BICC1: variants seen among roughly 807,000 people sequenced by gnomAD.
BICC1 encodes protein bicaudal C homolog 1.
In BICC1, 43 loss-of-function variants were observed where a neutral mutation model predicts 111.0. The ratio of observed to expected loss-of-function variants is 0.39; its 90% CI spans 0.30 to 0.50. The LOEUF is 0.50. Ranked by LOEUF, BICC1 falls within the 20% of genes least tolerant of loss-of-function variation. The pLI is 0.88. For missense variants in BICC1, 1,091 were observed against 1,203.2 expected, an observed-to-expected ratio of 0.91 and a Z score of 1.38; for synonymous variants, 467 against 434.4, an observed-to-expected ratio of 1.07 and a Z score of -0.93.
intron 2 of BICC1, among the ~76,000 whole-genome samples, chr10:58,652,463 A>G (rs1455591011): frequency 6.6e-6 from 1 of 152,134 alleles, no homozygotes; most frequent in Non-Finnish European, 1.5e-5. Context: ...TTCTGTATAC[A>G]CACACTTGCA....
chr10:58,550,902 A>G (rs1843278474), intron 1 of BICC1, among the ~76,000 whole-genome samples: 1 of 152,134 alleles, frequency 6.6e-6, no homozygotes, highest in Admixed American at 6.6e-5. Context: ...ATTTTATGAC[A>G]GTGCTTGTGT....
In BICC1 at chr10:58,806,232, C is replaced by T. The variant is rs114580691; in HGVS notation, c.2182-352C>T. 6.0e-3 allele frequency among the ~76,000 whole-genome samples: 908 copies of T among 152,222 alleles called. 9 individuals carry two copies. Among genetic ancestry groups the T allele is most frequent in the African/African-American group, 0.018 (753 of 41,536 alleles). ...ATTTTGGAAATGTATACTTTCAAAA[C>T]CCACATTATTATTATTAGGCTGTTC... On this transcript the variant is annotated intron_variant, in intron 15 of 20. Coordinates refer to ENST00000373886, the MANE Select transcript of BICC1 (RefSeq NM_001080512.3).
intron 1 of BICC1, among the ~76,000 whole-genome samples, chr10:58,600,331 A>C (rs572636359): frequency 6.6e-6 from 1 of 152,090 alleles, no homozygotes; most frequent in East Asian, 1.9e-4. Context: ...GAGTAGGTAC[A>C]GTTAAGCTGA....
At chr10:58,531,417 CTAGCTGGGCTGATTGGTGAAGATCTT>C in intron 1 of BICC1, among the ~76,000 whole-genome samples, 1 of 151,970 alleles carries the variant, frequency 6.6e-6, no homozygotes, top group African/African-American at 2.4e-5. Flanking sequence ...GCCAGAATCT[CTAGCTGGGCTGATTGGTGAAGATCTT>C]TTTCCATCCA....
At chr10:58,639,939 A>T (rs1370866725) in intron 2 of BICC1, among the ~76,000 whole-genome samples, 2 of 151,868 alleles carry the variant, frequency 1.3e-5, no homozygotes, top group East Asian at 3.9e-4. Flanking sequence ...CTGCCATTGA[A>T]ATTAATCCAG....
rs529892422 is a variant in BICC1 at position 58,767,773 on chromosome 10, C to T, written c.308-17228C>T. ...GAAAGCTCAACAAATAGATATACAT[C>T]GTAAAATAGAACCAAACAACTTCTG... On this transcript the variant is annotated intron_variant, in intron 3 of 20. Coordinates refer to ENST00000373886, the MANE Select transcript of BICC1 (RefSeq NM_001080512.3). 9.9e-5 allele frequency among the ~76,000 whole-genome samples: 15 copies of T among 151,910 alleles called. No individual in the cohort carries two copies. In the South Asian group the frequency reaches 1.7e-3, roughly 17 times the overall value.
intron 17 of BICC1, among the ~76,000 whole-genome samples, chr10:58,813,552 A>T (rs1843981669): frequency 6.6e-6 from 1 of 152,134 alleles, no homozygotes. Flanking sequence ...TATAGAAGGG[A>T]TTATTTATCC....
chr10:58,828,892 C>T lies in BICC1; in HGVS notation c.*1C>T. On this transcript the variant is annotated 3_prime_UTR_variant, in exon 21 of 21. Transcript: ENST00000373886. Reference sequence around the variant, plus strand: ...TGCTAGTGTCAGTGGCCGCTGGTAGCAGCACCCTCTTGGCACATGCCCGCT... The same window carrying T: ...TGCTAGTGTCAGTGGCCGCTGGTAGTAGCACCCTCTTGGCACATGCCCGCT... 1.2e-6 allele frequency: 2 copies of T among 1,613,780 alleles called. No individual in the cohort carries two copies. Among genetic ancestry groups the T allele is most frequent in the South Asian group, 1.1e-5 (1 of 91,056 alleles).
chr10:58,673,924 C>T (rs1839260083), intron 2 of BICC1, among the ~76,000 whole-genome samples: 2 of 151,432 alleles, frequency 1.3e-5, no homozygotes, highest in South Asian at 4.2e-4. Context: ...AGCCACCATG[C>T]CCAGCCTATT....
chr10:58,716,514 A>G (rs1840745776), intron 3 of BICC1, among the ~76,000 whole-genome samples: 1 of 152,138 alleles, frequency 6.6e-6, no homozygotes, highest in Non-Finnish European at 1.5e-5. Flanking sequence ...TAACTCTGGG[A>G]GATAATACAC....
At chr10:58,725,159 A>T (rs1302843420) in intron 3 of BICC1, among the ~76,000 whole-genome samples, 1 of 152,206 alleles carries the variant, frequency 6.6e-6, no homozygotes, top group Non-Finnish European at 1.5e-5. Context: ...TATTACTGGC[A>T]TAATAACATG....
intron 3 of BICC1, among the ~76,000 whole-genome samples, chr10:58,745,599 A>ACCCC (rs1564589090): frequency 1.4e-3 from 57 of 41,718 alleles, no homozygotes; most frequent in Admixed American, 3.5e-3. Flanking sequence ...AGAGCCCCCC[A>ACCCC]CCGCCCCCCC....
chr10:58,604,218 G>C (rs1845135149), intron 1 of BICC1, among the ~76,000 whole-genome samples: 1 of 152,108 alleles, frequency 6.6e-6, no homozygotes, highest in South Asian at 2.1e-4. Context: ...GGGGAGAGGT[G>C]GGGCAGTAGA....
At chr10:58,724,982 C>T (rs1039635140) in intron 3 of BICC1, among the ~76,000 whole-genome samples, 1 of 152,138 alleles carries the variant, frequency 6.6e-6, no homozygotes, top group African/African-American at 2.4e-5. Flanking sequence ...AGGTTAGACA[C>T]CTGTCTGGTG....
At chr10:58,680,868 A>G (rs1290860333) in intron 2 of BICC1, among the ~76,000 whole-genome samples, 2 of 152,232 alleles carry the variant, frequency 1.3e-5, no homozygotes, top group African/African-American at 2.4e-5. Flanking sequence ...AAATAGGTCC[A>G]CATGTCTACA....
intron 8 of BICC1, among the ~76,000 whole-genome samples, chr10:58,791,768 GA>G (rs1843186882): frequency 2.0e-5 from 3 of 152,076 alleles, no homozygotes; most frequent in South Asian, 4.1e-4. Flanking sequence ...TTCCACAGGA[GA>G]AATGGAGCAT....
intron 2 of BICC1, among the ~76,000 whole-genome samples, chr10:58,624,407 T>G (rs1020273719): frequency 3.3e-5 from 5 of 152,234 alleles, no homozygotes; most frequent in African/African-American, 1.2e-4. Flanking sequence ...TAGAAAAATT[T>G]ACTAAGACTG....
chr10:58,717,109 AT>A (rs1379339406), intron 3 of BICC1, among the ~76,000 whole-genome samples: 1 of 152,218 alleles, frequency 6.6e-6, no homozygotes, highest in Non-Finnish European at 1.5e-5. Context: ...GAGAGGAATT[AT>A]TTTAAATAGA....
chr10:58,820,612 G>A (rs183785362), intron 20 of BICC1, 144 bp downstream of exon 20: 2 of 602,772 alleles, frequency 3.3e-6, no homozygotes, highest in Admixed American at 2.5e-5. Context: ...CCTGTCAACA[G>A]TGTGACAGAT....
Sources: allele counts gnomAD v4.1 joint callset (sites outside exome capture counted in the v4.1 genomes callset), GRCh38; gene constraint gnomAD v4.1.1; transcripts MANE v1.5; gene names NCBI Gene and HGNC (gene_info 2026-07-23, HGNC 2026-07-21).